Variants in STOX2 observed in about 807,000 individuals in gnomAD.
STOX2 encodes the protein storkhead-box protein 2.
A neutral mutation model predicts 60.9 loss-of-function variants in STOX2; 28 were observed. The observed-to-expected ratio is 0.46, with a 90% CI of 0.34 to 0.63. The LOEUF (loss-of-function observed/expected upper bound fraction) is 0.63. Ranked by LOEUF, STOX2 falls within the 30% of genes least tolerant of loss-of-function variation. The probability of loss-of-function intolerance (pLI) is 0.01; values close to 1 mark genes in which losing one functional copy is unlikely to be tolerated. For missense variants in STOX2, 1,024 were observed against 1,187.7 expected, an observed-to-expected ratio of 0.86 and a Z score of 2.03; for synonymous variants, 472 against 463.9, an observed-to-expected ratio of 1.02 and a Z score of -0.22.
chr4:184,011,031 T>G lies in STOX2; in HGVS notation c.2193T>G (p.Pro731=), dbSNP rs1734142021. ...TCCTCAAATCTCACCCGAAGACACCTGCTGACACATTGCCAGGCCGATGTG... is the reference window on the plus strand; with the variant it reads ...TCCTCAAATCTCACCCGAAGACACCGGCTGACACATTGCCAGGCCGATGTG... ...LSLLKSHPKT[P]ADTLPGRCEK... is the part of the protein sequence containing the mutation. Residue 731 remains proline, a synonymous_variant, in exon 3 of 4, where the codon CCT becomes CCG. Transcript: ENST00000308497. This position sits in a 1 kb window ranked among gnomAD's most constrained non-coding sequence, Gnocchi z 4.4. The G allele has an allele frequency of 6.2e-7, 1 of 1,613,146 alleles. No individual in the cohort carries two copies. The highest frequency in any genetic ancestry group is 8.5e-7 in the Non-Finnish European group (1 of 1,179,516).
Position 183,880,170 on chromosome 4 carries a change from C to T in STOX2, c.364+82115C>T, listed in dbSNP as rs116540262. On this transcript the variant is annotated intron_variant, in intron 1 of 2. Coordinates refer to the STOX2 transcript ENST00000513034. ...ATTTTTGTATTTTTTTAAGTAGAGA[C>T]GGGGTATCACTGTATGTTGGCCAGG... 4.5e-3 allele frequency among the ~76,000 whole-genome samples: 686 copies of T among 151,902 alleles called. 4 individuals are homozygous for T. Among genetic ancestry groups the T allele is most frequent in the African/African-American group, 0.016 (662 of 41,396 alleles).
intron 1 of STOX2, among the ~76,000 whole-genome samples, chr4:183,879,270 C>T (rs1335163791): frequency 6.6e-6 from 1 of 152,174 alleles, no homozygotes; most frequent in East Asian, 1.9e-4. Flanking sequence ...TCTTCACCTC[C>T]ATGAGCCCTA....
At chr4:183,828,310 A>T (rs1205301180) in intron 1 of STOX2, among the ~76,000 whole-genome samples, 3 of 152,198 alleles carry the variant, frequency 2.0e-5, no homozygotes, top group African/African-American at 7.2e-5. Flanking sequence ...TGAGTGACAC[A>T]GCGGTAGAGT....
chr4:183,835,375 C>G (rs1245394915), intron 1 of STOX2, among the ~76,000 whole-genome samples: 1 of 151,876 alleles, frequency 6.6e-6, no homozygotes, highest in Non-Finnish European at 1.5e-5. Context: ...AGGCGCCCAC[C>G]ACCACACCCG....
intron 1 of STOX2, among the ~76,000 whole-genome samples, chr4:183,954,388 A>G (rs1743185297): frequency 6.6e-6 from 1 of 152,010 alleles, no homozygotes. Flanking sequence ...TCCCAGGTTC[A>G]AGCGATTCTC....
At chr4:183,811,646 C>A (rs1739035819) in intron 1 of STOX2, among the ~76,000 whole-genome samples, 1 of 152,212 alleles carries the variant, frequency 6.6e-6, no homozygotes, top group African/African-American at 2.4e-5. Context: ...TGAAGAAGTC[C>A]ATGAAGACAG....
chr4:183,936,633 A>G (rs1233058079), intron 1 of STOX2, among the ~76,000 whole-genome samples: 1 of 152,228 alleles, frequency 6.6e-6, no homozygotes, highest in Admixed American at 6.5e-5. Flanking sequence ...TAAGAAACTA[A>G]TAATTTTTTA....
chr4:183,804,822 C>T (rs977014104), intron 1 of STOX2, among the ~76,000 whole-genome samples: 2 of 151,086 alleles, frequency 1.3e-5, no homozygotes, highest in Non-Finnish European at 3.0e-5. Flanking sequence ...TCTGAGATTC[C>T]AGGTCTTGCT....
intron 1 of STOX2, chr4:183,987,647 C>T (rs972077043): frequency 2.0e-5 from 3 of 152,200 alleles, no homozygotes; most frequent in Non-Finnish European, 2.9e-5. Flanking sequence ...CCCACGCCGC[C>T]CTCCTCGCAG....
intron 1 of STOX2, among the ~76,000 whole-genome samples, chr4:183,885,953 T>G (rs1741068338): frequency 6.6e-6 from 1 of 152,220 alleles, no homozygotes; most frequent in African/African-American, 2.4e-5. Context: ...CTTATGAGTC[T>G]GCAGAGATGG....
chr4:183,864,119 GA>G (rs1026739024), intron 1 of STOX2, among the ~76,000 whole-genome samples: 112 of 151,818 alleles, frequency 7.4e-4, no homozygotes, highest in Non-Finnish European at 4.0e-4. Flanking sequence ...TAGGTTCTCA[GA>G]AAAAAAAGTT....
intron 1 of STOX2, among the ~76,000 whole-genome samples, chr4:183,839,315 T>C (rs1442930986): frequency 2.0e-5 from 3 of 152,146 alleles, no homozygotes; most frequent in African/African-American, 7.2e-5. Flanking sequence ...TCAGATCAAA[T>C]ATGTGGGTAC....
chr4:183,954,243 G>T (rs1345770854), intron 1 of STOX2, among the ~76,000 whole-genome samples: 1 of 152,110 alleles, frequency 6.6e-6, no homozygotes, highest in Admixed American at 6.5e-5. Context: ...ATTGATTTCT[G>T]CCCTACCAAG....
At chr4:183,861,227 C>T (rs1306721272) in intron 1 of STOX2, among the ~76,000 whole-genome samples, 1 of 152,108 alleles carries the variant, frequency 6.6e-6, no homozygotes, top group African/African-American at 2.4e-5. Flanking sequence ...CAGACAGGAC[C>T]CCCTAGATCT....
chr4:183,921,497 G>A lies in STOX2; in HGVS notation c.166+14541G>A, dbSNP rs183063624. On this transcript the variant is annotated intron_variant, in intron 1 of 3. Coordinates refer to ENST00000308497, the MANE Select transcript of STOX2 (RefSeq NM_020225.3). ...TAGGAGGGTCAGTCTGAGAAAATCCGTTACAATTTCCTCCAGCATTTCAGT... is the reference window on the plus strand; with the variant it reads ...TAGGAGGGTCAGTCTGAGAAAATCCATTACAATTTCCTCCAGCATTTCAGT... 4.7e-4 allele frequency among the ~76,000 whole-genome samples: 71 copies of A among 152,250 alleles called. 1 individual carries two copies. Among genetic ancestry groups the A allele is most frequent in the African/African-American group, 6.5e-4 (27 of 41,532 alleles).
chr4:184,010,851 G>A lies in STOX2; in HGVS notation c.2013G>A (p.Val671=). The A allele has an allele frequency of 6.2e-6, 10 of 1,605,664 alleles. No homozygotes were observed. Among genetic ancestry groups the A allele is most frequent in the Non-Finnish European group, 7.7e-6 (9 of 1,175,812 alleles). The change falls in exon 3 of 4, where the codon GTG becomes GTA. Residue 671 remains valine, a synonymous_variant. Coordinates refer to ENST00000308497, the MANE Select transcript of STOX2 (RefSeq NM_020225.3). This position sits in a 1 kb window ranked among gnomAD's most constrained non-coding sequence, Gnocchi z 4.5. ...GGGGCCCCGCTGCTTCGGGAGGAGT[G>A]GCTGAAGGGATCGCCAACGGACGCC... ...PGGGPAASGG[V]AEGIANGRLV...
intron 1 of STOX2, among the ~76,000 whole-genome samples, chr4:183,845,155 G>A (rs183657186): frequency 1.3e-5 from 2 of 152,160 alleles, no homozygotes; most frequent in East Asian, 1.9e-4. Flanking sequence ...ACAGTAATAC[G>A]TACAATCACA....
intron 1 of STOX2, among the ~76,000 whole-genome samples, chr4:183,844,088 A>G (rs564537645): frequency 3.7e-4 from 57 of 152,224 alleles, no homozygotes; most frequent in Non-Finnish European, 4.9e-4. Flanking sequence ...TTAAAAAAAC[A>G]AAATTATTAT....
At chr4:183,911,820 A>G (rs1183987991) in intron 1 of STOX2, among the ~76,000 whole-genome samples, 2 of 152,190 alleles carry the variant, frequency 1.3e-5, no homozygotes, top group African/African-American at 2.4e-5. Context: ...GTCCTATGCT[A>G]ACTTTTGAAT....
Sources: allele counts gnomAD v4.1 joint callset (sites outside exome capture counted in the v4.1 genomes callset), GRCh38; gene constraint gnomAD v4.1.1; non-coding constraint Gnocchi (gnomAD v3.1); transcripts MANE v1.5; gene names NCBI Gene and HGNC (gene_info 2026-07-23, HGNC 2026-07-21).